Variants in STK39 observed in about 807,000 individuals in gnomAD.
The protein encoded by STK39 is serine/threonine kinase 39.
Under a neutral mutation model 77.8 loss-of-function variants are expected in STK39, and 20 were observed. That is an observed-to-expected ratio of 0.26 (90% confidence interval 0.18 to 0.37). The LOEUF (loss-of-function observed/expected upper bound fraction) is 0.37, where lower values mean the gene tolerates loss of function less well. STK39 is among the 10% of genes least tolerant of loss of function. STK39 has a pLI of 1.00. For missense variants in STK39, 479 were observed against 656.5 expected (o/e 0.73, Z 2.95); for synonymous variants, 246 against 234.1 (o/e 1.05, Z -0.47).
intron 10 of STK39, among the ~76,000 whole-genome samples, chr2:168,126,369 C>A (rs908301115): frequency 6.6e-6 from 1 of 152,170 alleles, no homozygotes; most frequent in Admixed American, 6.5e-5. Flanking sequence ...CTCCCCTGAA[C>A]CAATTCTTAA....
intron 17 of STK39, among the ~76,000 whole-genome samples, chr2:167,957,135 C>T (rs142534603): frequency 6.6e-6 from 1 of 152,166 alleles, no homozygotes; most frequent in East Asian, 1.9e-4. Flanking sequence ...AATGTTTGTA[C>T]CTTGAATATT....
intron 1 of STK39, among the ~76,000 whole-genome samples, chr2:168,203,896 A>G (rs1345046532): frequency 6.6e-6 from 1 of 152,206 alleles, no homozygotes; most frequent in Non-Finnish European, 1.5e-5. Flanking sequence ...ACCCAGCCAG[A>G]GCTGAGTCGT....
At chr2:168,107,138 A>G (rs1372957592) in intron 10 of STK39, among the ~76,000 whole-genome samples, 1 of 152,218 alleles carries the variant, frequency 6.6e-6, no homozygotes, top group Non-Finnish European at 1.5e-5. Flanking sequence ...TAAAGTAATC[A>G]TTGGTTAACT....
chr2:168,207,680 A>C (rs760653423), intron 1 of STK39, among the ~76,000 whole-genome samples: 7 of 152,254 alleles, frequency 4.6e-5, no homozygotes, highest in Non-Finnish European at 1.0e-4. Flanking sequence ...ATGAGCCTTG[A>C]AATGAACATG....
chr2:168,047,957 A>C (rs1402693864), intron 14 of STK39, among the ~76,000 whole-genome samples: 1 of 152,218 alleles, frequency 6.6e-6, no homozygotes, highest in Non-Finnish European at 1.5e-5. Flanking sequence ...TTAACTACTT[A>C]CCTCACTGGG....
At chr2:168,244,173 T>A (rs1329396617) in intron 1 of STK39, among the ~76,000 whole-genome samples, 1 of 152,164 alleles carries the variant, frequency 6.6e-6, no homozygotes. Flanking sequence ...CATTACAATT[T>A]CTCCACTGAC....
intron 4 of STK39, among the ~76,000 whole-genome samples, chr2:168,163,470 T>C (rs558346116): frequency 6.6e-6 from 1 of 152,354 alleles, no homozygotes; most frequent in South Asian, 2.1e-4. Flanking sequence ...ACCAATATAA[T>C]TCATCAAAAT....
At chr2:167,983,041 A>C (rs2105270146) in intron 16 of STK39, among the ~76,000 whole-genome samples, 1 of 152,356 alleles carries the variant, frequency 6.6e-6, no homozygotes, top group Non-Finnish European at 1.5e-5. Flanking sequence ...AGGTGCACAT[A>C]GATAATTATG....
intron 12 of STK39, among the ~76,000 whole-genome samples, chr2:168,066,049 C>A (rs1276405356): frequency 6.7e-6 from 1 of 149,872 alleles, no homozygotes; most frequent in East Asian, 2.0e-4. Context: ...ACAAAAAAAA[C>A]CTCAAAGAGA....
At chr2:168,176,118 T>C (rs1688950360) in intron 2 of STK39, among the ~76,000 whole-genome samples, 1 of 152,206 alleles carries the variant, frequency 6.6e-6, no homozygotes, top group Non-Finnish European at 1.5e-5. Flanking sequence ...AATGGAAACA[T>C]ACTTTCGTTG....
At chr2:168,226,798 T>C (rs568778423) in intron 1 of STK39, among the ~76,000 whole-genome samples, 5 of 152,236 alleles carry the variant, frequency 3.3e-5, no homozygotes, top group Non-Finnish European at 7.3e-5. Flanking sequence ...TGTCACAGTA[T>C]CTATCAAAAG....
intron 14 of STK39, among the ~76,000 whole-genome samples, chr2:168,049,869 A>C (rs1685348927): frequency 6.6e-6 from 1 of 152,210 alleles, no homozygotes; most frequent in African/African-American, 2.4e-5. Context: ...GTGAAGCGTT[A>C]GAAACACACT....
At chr2:168,142,884 A>T in intron 5 of STK39, among the ~76,000 whole-genome samples, 1 of 152,250 alleles carries the variant, frequency 6.6e-6, no homozygotes, top group East Asian at 1.9e-4. Context: ...GTACTCAGTA[A>T]CAGAACATTT....
chr2:168,096,001 T>C (rs1043203425), intron 10 of STK39, among the ~76,000 whole-genome samples: 3 of 152,186 alleles, frequency 2.0e-5, no homozygotes, highest in African/African-American at 7.2e-5. Context: ...AACCTTAATA[T>C]CCATATGCCT....
intron 16 of STK39, among the ~76,000 whole-genome samples, chr2:168,006,654 T>C (rs1318005831): frequency 1.3e-5 from 2 of 152,326 alleles, no homozygotes; most frequent in East Asian, 1.9e-4. Flanking sequence ...GCATGTCCTC[T>C]AGTTTTTCAT....
chr2:168,026,442 G>A (rs1006219304), intron 14 of STK39, among the ~76,000 whole-genome samples: 3 of 152,160 alleles, frequency 2.0e-5, no homozygotes, highest in African/African-American at 7.2e-5. Context: ...TGAAGCCAAG[G>A]AGATTAAGTG....
chr2:167,976,570 T>C (rs1683281594), intron 16 of STK39, among the ~76,000 whole-genome samples: 1 of 152,216 alleles, frequency 6.6e-6, no homozygotes, highest in African/African-American at 2.4e-5. Flanking sequence ...ACATCACTAC[T>C]GTAGGTTGGC....
chr2:168,032,466 T>C (rs1684853190), intron 14 of STK39, among the ~76,000 whole-genome samples: 1 of 152,240 alleles, frequency 6.6e-6, no homozygotes, highest in African/African-American at 2.4e-5. Context: ...ATGAAAAAGA[T>C]ACACCCAACA....
intron 1 of STK39, among the ~76,000 whole-genome samples, chr2:168,192,875 C>A (rs1689375167): frequency 1.3e-5 from 2 of 152,168 alleles, no homozygotes; most frequent in Non-Finnish European, 2.9e-5. Context: ...ATCCCCACCT[C>A]CCTATGATCA....
Sources: gnomAD v4.1 joint callset for allele counts (sites outside exome capture counted in the v4.1 genomes callset) on GRCh38, gnomAD v4.1.1 for gene constraint, MANE v1.5 for transcripts, NCBI Gene and HGNC (gene_info 2026-07-23, HGNC 2026-07-21) for gene names.